SCGB2B2: variants seen among roughly 807,000 people sequenced by gnomAD.
SCGB2B2 encodes secretoglobin family 2B member 2.
Under a neutral mutation model 7.6 loss-of-function variants are expected in SCGB2B2, and 11 were observed. The ratio of observed to expected loss-of-function variants is 1.45; its 90% confidence interval spans 0.91 to 2.40. SCGB2B2 has a LOEUF of 2.40. Ranked by LOEUF, SCGB2B2 falls within the 30% of genes most tolerant of loss-of-function variation. The pLI is 0.00. For missense variants in SCGB2B2, 104 were observed against 115.4 expected (o/e 0.90, Z 0.45); for synonymous variants, 50 against 48.6 (o/e 1.03, Z -0.12).
chr19:34,665,084 G>A (rs879538849), intron 1 of SCGB2B2, among the ~76,000 whole-genome samples: 3 of 152,122 alleles, frequency 2.0e-5, no homozygotes, highest in Non-Finnish European at 2.9e-5. Context: ...CCTGGGCCCT[G>A]CTCTCTGCCA....
In SCGB2B2 at chr19:34,594,433, C is replaced by T; in HGVS notation, c.61+70G>A. On this transcript the variant is annotated intron_variant, in intron 2 of 3. Coordinates refer to ENST00000601241, the MANE Select transcript of SCGB2B2 (RefSeq NM_001025591.4). The stretch of plus-strand genomic sequence containing the variant: ...CGAAACCTCCCATGGCCAATGAGAC[C>T]TTGGGATGGTGATGAGAGTGAAGGA... 4.4e-6 allele frequency: 7 copies of T among 1,602,430 alleles called. No individual in the cohort carries two copies. The South Asian group carries it at 7.7e-5, about 18-fold the overall frequency.
At chr19:34,606,881 C>T (rs1004507815) in intron 1 of SCGB2B2, among the ~76,000 whole-genome samples, 2 of 152,012 alleles carry the variant, frequency 1.3e-5, no homozygotes, top group East Asian at 3.9e-4. Context: ...CAGGCTTTCA[C>T]GGGGGATTGT....
intron 1 of SCGB2B2, among the ~76,000 whole-genome samples, chr19:34,636,790 T>C (rs7253858): frequency 0.88 from 133,936 of 152,180 alleles, 59,614 homozygotes; most frequent in African/African-American, 0.92. Context: ...TCATGAGAAC[T>C]CAGCCCTGAC....
intron 1 of SCGB2B2, among the ~76,000 whole-genome samples, chr19:34,613,626 C>T (rs1156434858): frequency 6.6e-6 from 1 of 152,190 alleles, no homozygotes; most frequent in Non-Finnish European, 1.5e-5. Flanking sequence ...TTTTCTTCCT[C>T]TGTCATTGTT....
chr19:34,667,469 C>T (rs915879860), intron 1 of SCGB2B2, among the ~76,000 whole-genome samples: 1 of 152,162 alleles, frequency 6.6e-6, no homozygotes. Context: ...CTGCTGCTGC[C>T]CCTCCTCCCA....
intron 1 of SCGB2B2, among the ~76,000 whole-genome samples, chr19:34,659,077 T>C (rs948148865): frequency 6.6e-6 from 1 of 152,164 alleles, no homozygotes; most frequent in Non-Finnish European, 1.5e-5. Context: ...AGGCCTTCGA[T>C]GAAATTCATC....
rs147765453 is a variant in SCGB2B2, at chr19:34,594,854, G to A, written c.-291C>T. On this transcript the variant is annotated 5_prime_UTR_variant, in exon 2 of 4. Coordinates refer to ENST00000601241, the MANE Select transcript of SCGB2B2 (RefSeq NM_001025591.4). ...CCTCCCTGGAGCTCCCTGGGATTGG[G>A]AGCAGGCTGAACACTGGTGTAAGCC... is the stretch of plus-strand genomic sequence containing the variant. 369 of 461,852 alleles carry A rather than the reference G, an allele frequency of 8.0e-4. 2 individuals carry two copies. The East Asian group carries it at 0.014, about 18-fold the overall frequency. The allele number at this position is 461,852 out of a possible 1,614,324, so 28.6% of individuals were successfully genotyped here. A position where few individuals can be genotyped will look rare whatever the true frequency, so the allele number is the denominator to read the frequency against.
rs151029394 is a variant in SCGB2B2, at chr19:34,670,694, C to G, written c.-2032+4936G>C. Among the ~76,000 whole-genome samples the G allele has an allele frequency of 6.3e-3, 963 of 152,286 alleles. 2 individuals carry two copies. The highest frequency in any genetic ancestry group is 0.011 in the Non-Finnish European group (735 of 68,026). Reference sequence around the variant, plus strand: ...GCCTATGGCTCTTTTCTTCCTTCATCTTAAAAGAGCATGTCGCATAGCAGA... The same window carrying G: ...GCCTATGGCTCTTTTCTTCCTTCATGTTAAAAGAGCATGTCGCATAGCAGA... On this transcript the variant is annotated intron_variant, in intron 1 of 3. Coordinates refer to ENST00000601241, the MANE Select transcript of SCGB2B2 (RefSeq NM_001025591.4).
At chr19:34,618,732 C>A (rs1267090248) in intron 1 of SCGB2B2, among the ~76,000 whole-genome samples, 1 of 152,226 alleles carries the variant, frequency 6.6e-6, no homozygotes, top group Non-Finnish European at 1.5e-5. Flanking sequence ...TCAGTAGTTT[C>A]AAGCACATGT....
intron 1 of SCGB2B2, among the ~76,000 whole-genome samples, chr19:34,668,324 G>A (rs1048086482): frequency 2.0e-5 from 3 of 152,130 alleles, no homozygotes; most frequent in Non-Finnish European, 4.4e-5. Context: ...GCAGTGAGGG[G>A]CTTAGCACCT....
In SCGB2B2 at chr19:34,618,166, G is replaced by A. The variant is rs536570657; in HGVS notation, c.-2031-21572C>T. 4.6e-5 allele frequency among the ~76,000 whole-genome samples: 7 copies of A among 152,310 alleles called. 1 individual carries two copies. The South Asian group carries it at 1.2e-3, about 27-fold the overall frequency. On this transcript the variant is annotated intron_variant, in intron 1 of 3. Transcript: ENST00000601241. ...CCATCTTGGCTCCTCCCCCGCATGT[G>A]TCTTTATGGTAGAATGATTTATAGC...
intron 1 of SCGB2B2, among the ~76,000 whole-genome samples, chr19:34,606,962 C>A (rs2065798897): frequency 6.6e-6 from 1 of 152,230 alleles, no homozygotes. Flanking sequence ...GGCCACCACG[C>A]TGTCCATTAG....
At chr19:34,622,918 G>GTTT (rs35078505) in intron 1 of SCGB2B2, among the ~76,000 whole-genome samples, 1 of 144,370 alleles carries the variant, frequency 6.9e-6, no homozygotes, top group Non-Finnish European at 1.5e-5. Flanking sequence ...TTTCATCTAG[G>GTTT]TTTTTTTTTT....
chr19:34,617,116 T>C (rs529584318), intron 1 of SCGB2B2, among the ~76,000 whole-genome samples: 2 of 152,330 alleles, frequency 1.3e-5, no homozygotes, highest in Non-Finnish European at 2.9e-5. Flanking sequence ...AGTCAGGTAG[T>C]GTGATGCCTC....
At chr19:34,611,134 G>T (rs1209864506) in intron 1 of SCGB2B2, among the ~76,000 whole-genome samples, 3 of 152,060 alleles carry the variant, frequency 2.0e-5, no homozygotes, top group Non-Finnish European at 4.4e-5. Context: ...AGTCTCTAAT[G>T]ATATTTTGTG....
chr19:34,670,561 C>G (rs772936632), intron 1 of SCGB2B2, among the ~76,000 whole-genome samples: 6 of 152,180 alleles, frequency 3.9e-5, no homozygotes, highest in Non-Finnish European at 7.4e-5. Flanking sequence ...CTATTCAAAT[C>G]TTTTGCCCAT....
intron 1 of SCGB2B2, among the ~76,000 whole-genome samples, chr19:34,658,369 G>C (rs991110484): frequency 3.3e-5 from 5 of 151,958 alleles, no homozygotes; most frequent in African/African-American, 1.2e-4. Context: ...TAATAAACAA[G>C]AAAAGAGAGA....
intron 1 of SCGB2B2, chr19:34,635,353 C>T (rs878869520): frequency 3.5e-6 from 1 of 283,688 alleles, no homozygotes; most frequent in Middle Eastern, 4.5e-4. Flanking sequence ...CATCTGTAAG[C>T]CCTTTCTCCA....
chr19:34,651,298 T>C (rs1053574523), intron 1 of SCGB2B2, among the ~76,000 whole-genome samples: 2 of 151,090 alleles, frequency 1.3e-5, no homozygotes, highest in African/African-American at 5.0e-5. Flanking sequence ...GAAAGAAGGA[T>C]GTCAAATTGT....
Sources: gnomAD v4.1 joint callset for allele counts (sites outside exome capture counted in the v4.1 genomes callset) on GRCh38, gnomAD v4.1.1 for gene constraint, MANE v1.5 for transcripts, NCBI Gene and HGNC (gene_info 2026-07-23, HGNC 2026-07-21) for gene names.